The following UBE2J2 variants were observed in gnomAD, a reference collection of about 807,000 sequenced individuals.
The protein encoded by UBE2J2 is ubiquitin-conjugating enzyme E2 J2.
A neutral mutation model predicts 28.6 loss-of-function variants in UBE2J2; 5 were observed. The observed-to-expected ratio is 0.17, with a 90% confidence interval of 0.09 to 0.37. The LOEUF is 0.37. Among genes scored for constraint, UBE2J2 ranks in the 10% least tolerant of loss-of-function variants. The pLI is 1.00. For missense variants in UBE2J2, 226 were observed against 338.9 expected (o/e 0.67, Z 2.62); for synonymous variants, 138 against 139.7 (o/e 0.99, Z 0.09).
In UBE2J2 at chr1:1,255,138, C is replaced by A. The variant is rs1639093339; in HGVS notation, c.*65G>T. 2 of 1,480,040 alleles carry A rather than the reference C, an allele frequency of 1.4e-6. No homozygotes were observed. The highest frequency in any genetic ancestry group is 2.2e-5 in the Admixed American group (1 of 44,520). 91.7% of individuals were successfully genotyped at this position (1,480,040 alleles called of 1,614,324 possible). A position where few individuals can be genotyped will look rare whatever the true frequency, so the allele number is the denominator to read the frequency against. Reference sequence around the variant, plus strand: ...TGCCTGTGCTGGGCAGTGTGTCCAGCCTGCCGAGGTCACGCTCTGGTGCGC... The same window carrying A: ...TGCCTGTGCTGGGCAGTGTGTCCAGACTGCCGAGGTCACGCTCTGGTGCGC... On this transcript the variant is annotated 3_prime_UTR_variant, in exon 7 of 7. Coordinates refer to ENST00000349431, the MANE Select transcript of UBE2J2 (RefSeq NM_058167.3).
chr1:1,256,465 G>T, intron 5 of UBE2J2: 1 of 274,212 alleles, frequency 3.6e-6, no homozygotes, highest in Non-Finnish European at 7.0e-6. Flanking sequence ...GTGTGGATGA[G>T]GCTGGATGTG....
In UBE2J2 at chr1:1,255,532, C is replaced by A. The variant is rs757004189; in HGVS notation, c.496-45G>T. 4 of 1,569,196 alleles carry A rather than the reference C, an allele frequency of 2.5e-6. No homozygotes were observed. The Admixed American group carries it at 7.0e-5, about 27-fold the overall frequency. ...AAAAGCAGCTGGTCTCCAACCAGCG[C>A]CTTTCAGGACCAGCACTCCCGTTCT... On this transcript the variant is annotated intron_variant, in intron 6 of 6. Coordinates refer to ENST00000349431, the MANE Select transcript of UBE2J2 (RefSeq NM_058167.3).
chr1:1,270,963 C>A (rs6667923), intron 1 of UBE2J2, among the ~76,000 whole-genome samples: 14,372 of 152,242 alleles, frequency 0.094, 1,404 homozygotes, highest in African/African-American at 0.25. Context: ...CCCAGCCTAG[C>A]CTGTACTGGA....
At chr1:1,259,102 G>A (rs1237728149) in intron 3 of UBE2J2, among the ~76,000 whole-genome samples, 1 of 138,056 alleles carries the variant, frequency 7.2e-6, no homozygotes, top group Non-Finnish European at 1.5e-5. Context: ...GTGTGTGCAT[G>A]TGTGTGCATG....
chr1:1,266,731 G>C (rs1639891880), intron 2 of UBE2J2, among the ~76,000 whole-genome samples: 1 of 151,890 alleles, frequency 6.6e-6, no homozygotes, highest in Non-Finnish European at 1.5e-5. Context: ...GGAAACTGAG[G>C]CCAGAGAATG....
intron 2 of UBE2J2, among the ~76,000 whole-genome samples, chr1:1,266,488 T>C (rs1639869262): frequency 6.6e-6 from 1 of 151,734 alleles, no homozygotes. Context: ...ATCACGCCAT[T>C]GCACTCCAGC....
intron 3 of UBE2J2, among the ~76,000 whole-genome samples, chr1:1,258,446 C>G (rs536042416): frequency 9.2e-5 from 14 of 152,254 alleles, no homozygotes; most frequent in South Asian, 8.3e-4. Flanking sequence ...CTCCCCACCC[C>G]CTCTTCCCAC....
intron 1 of UBE2J2, among the ~76,000 whole-genome samples, chr1:1,271,996 A>AT (rs1640174137): frequency 6.9e-6 from 1 of 145,578 alleles, no homozygotes; most frequent in African/African-American, 2.7e-5. Flanking sequence ...AAAAAAAAAA[A>AT]AAAAAAAATT....
intron 1 of UBE2J2, among the ~76,000 whole-genome samples, chr1:1,270,803 A>C (rs948167530): frequency 6.6e-6 from 1 of 151,046 alleles, no homozygotes; most frequent in Non-Finnish European, 1.5e-5. Context: ...CAGCCCCTTG[A>C]CAGAGGCAGC....
chr1:1,255,034 T>C lies in UBE2J2; in HGVS notation c.*169A>G, dbSNP rs1271260348. On this transcript the variant is annotated 3_prime_UTR_variant, in exon 7 of 7. Transcript: ENST00000349431. Reference sequence around the variant, plus strand: ...GGACAGGGCTGAGGCTCCAGTCTCCTCCAAAGCCCAGTCACACATTTTGGT... The same window carrying C: ...GGACAGGGCTGAGGCTCCAGTCTCCCCCAAAGCCCAGTCACACATTTTGGT... The C allele has an allele frequency of 8.2e-5, 59 of 721,108 alleles. No homozygotes were observed. Among genetic ancestry groups the C allele is most frequent in the Non-Finnish European group, 1.2e-4 (56 of 454,626 alleles). The allele number at this position is 721,108 out of a possible 1,614,324, so 44.7% of individuals were successfully genotyped here. A position where few individuals can be genotyped will look rare whatever the true frequency, so the allele number is the denominator to read the frequency against.
At chr1:1,256,547 G>C (rs1465231797) in intron 5 of UBE2J2, among the ~76,000 whole-genome samples, 2 of 152,208 alleles carry the variant, frequency 1.3e-5, no homozygotes, top group African/African-American at 2.4e-5. Context: ...GACAGTGCCT[G>C]GGACAAGGTG....
intron 2 of UBE2J2, among the ~76,000 whole-genome samples, chr1:1,265,637 G>T (rs1464425628): frequency 6.6e-6 from 1 of 150,850 alleles, no homozygotes; most frequent in Middle Eastern, 3.4e-3. Context: ...GTGTGTGTGT[G>T]TGTGTGTGTG....
chr1:1,259,617 G>A (rs945341071), intron 3 of UBE2J2, among the ~76,000 whole-genome samples: 4 of 152,158 alleles, frequency 2.6e-5, no homozygotes, highest in Non-Finnish European at 4.4e-5. Context: ...GACCAGAAGC[G>A]GGGCTGCCAC....
intron 5 of UBE2J2, chr1:1,256,430 G>T: frequency 3.2e-6 from 1 of 314,554 alleles, no homozygotes. Context: ...CCCACCCCAA[G>T]ATCCCAAGGA....
chr1:1,268,060 GC>G lies in UBE2J2; in HGVS notation c.1-69del. On this transcript the variant is annotated intron_variant, in intron 1 of 6. Transcript: ENST00000349431. The surrounding 1 kb of genome is among the most constrained non-coding windows in gnomAD (Gnocchi z 4.7). ...GGCCACAGCTCTCTCCCCTGGCGCA[GC>G]CCCACTCCCGCCTCTGCAGCCCGCC... 3 of 1,580,038 alleles carry G rather than the reference GC, an allele frequency of 1.9e-6. No homozygotes were observed. The highest frequency in any genetic ancestry group is 2.6e-6 in the Non-Finnish European group (3 of 1,159,474).
At chr1:1,261,476 G>T (rs1266725430) in intron 3 of UBE2J2, among the ~76,000 whole-genome samples, 1 of 152,182 alleles carries the variant, frequency 6.6e-6, no homozygotes, top group Non-Finnish European at 1.5e-5. Flanking sequence ...CAGCCCTGTT[G>T]GGGGAGCAGC....
intron 2 of UBE2J2, among the ~76,000 whole-genome samples, chr1:1,264,564 G>A (rs530042437): frequency 6.6e-6 from 1 of 152,284 alleles, no homozygotes; most frequent in African/African-American, 2.4e-5. Context: ...CTGAAGTCAG[G>A]AATTCGAGAC....
At chr1:1,266,704 G>A (rs1639890240) in intron 2 of UBE2J2, among the ~76,000 whole-genome samples, 1 of 151,790 alleles carries the variant, frequency 6.6e-6, no homozygotes, top group African/African-American at 2.4e-5. Context: ...GCAGGCGCCT[G>A]TAGTCCCAGC....
chr1:1,263,362 C>T lies in UBE2J2; in HGVS notation c.156G>A (p.Glu52=). 4 of 1,613,590 alleles carry T rather than the reference C, an allele frequency of 2.5e-6. No individual in the cohort carries two copies. Among genetic ancestry groups the T allele is most frequent in the Non-Finnish European group, 3.4e-6 (4 of 1,179,628 alleles). The change falls in exon 3 of 7, where the codon GAG becomes GAA. Residue 52 remains glutamate, a synonymous_variant. Transcript: ENST00000349431. Reference sequence around the variant, plus strand: ...AATCCTTACCTTCATAAGGGGTCATCTCTGGGCCTCGGACGACATAGTGCC... The same window carrying T: ...AATCCTTACCTTCATAAGGGGTCATTTCTGGGCCTCGGACGACATAGTGCC... ...LEWHYVVRGP[E]MTPYEGGYYH...
Sources: allele counts gnomAD v4.1 joint callset (sites outside exome capture counted in the v4.1 genomes callset), GRCh38; gene constraint gnomAD v4.1.1; non-coding constraint Gnocchi (gnomAD v3.1); transcripts MANE v1.5; gene names NCBI Gene and HGNC (gene_info 2026-07-23, HGNC 2026-07-21).